The following XPNPEP1 variants were observed in gnomAD, a reference collection of about 807,000 sequenced individuals.
XPNPEP1 encodes X-prolyl aminopeptidase 1.
A neutral mutation model predicts 92.4 loss-of-function variants in XPNPEP1; 39 were observed. The ratio of observed to expected loss-of-function variants is 0.42; its 90% confidence interval spans 0.33 to 0.55. XPNPEP1 has a LOEUF of 0.55. Among genes scored for constraint, XPNPEP1 ranks in the 20% least tolerant of loss-of-function variants. The pLI, the probability that XPNPEP1 is intolerant of heterozygous loss-of-function variation, is 0.08. For synonymous variants in XPNPEP1, 307 were observed against 299.4 expected (o/e 1.03, Z -0.26); for missense variants, 654 against 856.1 (o/e 0.76, Z 2.95).
intron 3 of XPNPEP1, among the ~76,000 whole-genome samples, chr10:109,902,202 G>A (rs1356728401): frequency 1.3e-5 from 2 of 152,208 alleles, no homozygotes; most frequent in Non-Finnish European, 2.9e-5. Flanking sequence ...AACAATAGCG[G>A]CAGCTAATAT....
chr10:109,873,481 T>C, intron 15 of XPNPEP1, 54 bp from the exon 16 acceptor site: 1 of 1,609,562 alleles, frequency 6.2e-7, no homozygotes, highest in Non-Finnish European at 8.5e-7. Context: ...TTAAGTCAAA[T>C]ATGACACAGG....
chr10:109,884,598 A>G (rs1444116995), intron 8 of XPNPEP1: 1 of 153,898 alleles, frequency 6.5e-6, no homozygotes, highest in Admixed American at 6.5e-5. Flanking sequence ...GAAGCCAGGC[A>G]AGCCTCCTCT....
intron 9 of XPNPEP1, 95 bp from the exon 10 acceptor site, chr10:109,882,737 G>T: frequency 7.3e-7 from 1 of 1,377,680 alleles, no homozygotes; most frequent in South Asian, 1.3e-5. Flanking sequence ...TCTGTTTCCT[G>T]GCAACCAAAA....
chr10:109,876,030 C>T (rs977854092), intron 14 of XPNPEP1: 1 of 159,816 alleles, frequency 6.3e-6, no homozygotes, highest in African/African-American at 2.4e-5. Flanking sequence ...CTGCCTCAGC[C>T]TCCAGGCCCC....
intron 3 of XPNPEP1, among the ~76,000 whole-genome samples, chr10:109,895,783 A>G (rs1848955118): frequency 6.6e-6 from 1 of 152,214 alleles, no homozygotes; most frequent in Non-Finnish European, 1.5e-5. Context: ...CTCCATTTCT[A>G]ATAGCAGCAC....
chr10:109,868,087 C>A (rs1340049575), intron 20 of XPNPEP1, among the ~76,000 whole-genome samples: 1 of 152,186 alleles, frequency 6.6e-6, no homozygotes, highest in African/African-American at 2.4e-5. Context: ...GGTTTCACTG[C>A]CCCAGAGTGA....
chr10:109,875,771 T>C (rs1487730590), intron 14 of XPNPEP1, 172 bp from the exon 15 acceptor site: 25 of 545,772 alleles, frequency 4.6e-5, no homozygotes, highest in Non-Finnish European at 6.4e-5. Flanking sequence ...ATTAAACTTC[T>C]ACTTTTCAAA....
intron 7 of XPNPEP1, among the ~76,000 whole-genome samples, chr10:109,887,063 A>C (rs1353350377): frequency 6.6e-6 from 1 of 152,146 alleles, no homozygotes; most frequent in Non-Finnish European, 1.5e-5. Flanking sequence ...GGGAACAGCC[A>C]CCTGTGAGCA....
At chr10:109,911,005 T>A (rs1406898025) in intron 2 of XPNPEP1, among the ~76,000 whole-genome samples, 1 of 152,270 alleles carries the variant, frequency 6.6e-6, no homozygotes, top group East Asian at 1.9e-4. Flanking sequence ...TTCCTTTTCA[T>A]CATCACCAGC....
intron 11 of XPNPEP1, 75 bp from the exon 12 acceptor site, chr10:109,880,313 G>C: frequency 6.8e-7 from 1 of 1,472,044 alleles, no homozygotes. Context: ...TAGCCCTAAT[G>C]CAATACTGAG....
rs149560401 is a variant in XPNPEP1 at position 109,891,768 on chromosome 10, G to C, written c.369C>G (p.Leu123=). ...TGCTGTCCATTTGCTTGGCAGCCTG[G>C]AGAAAGTAGCGCCCGTCAGTCCACA... is the stretch of plus-strand genomic sequence containing the variant. ...AAMWTDGRYF[L]QAAKQMDSNW... Residue 123 remains leucine (L), a synonymous_variant, in exon 5 of 21, where the codon CTC becomes CTG. Coordinates refer to ENST00000502935, the MANE Select transcript of XPNPEP1 (RefSeq NM_020383.4). 1.4e-5 allele frequency: 23 copies of C among 1,598,694 alleles called. No homozygotes were observed. The highest frequency in any genetic ancestry group is 2.0e-5 in the Non-Finnish European group (23 of 1,175,584).
intron 2 of XPNPEP1, among the ~76,000 whole-genome samples, chr10:109,908,330 C>T (rs984716021): frequency 2.0e-5 from 3 of 152,214 alleles, no homozygotes; most frequent in Admixed American, 1.3e-4. Flanking sequence ...ACAGGCTGGG[C>T]GCAGTGGCTC....
At chr10:109,869,719 G>A (rs1306297673) in intron 19 of XPNPEP1, 8 of 435,532 alleles carry the variant, frequency 1.8e-5, no homozygotes, top group East Asian at 4.1e-5. Context: ...TTCTGGCTTT[G>A]CAGGGAAGGA....
chr10:109,898,134 A>G (rs1849083363), intron 3 of XPNPEP1, among the ~76,000 whole-genome samples: 1 of 152,206 alleles, frequency 6.6e-6, no homozygotes, highest in Non-Finnish European at 1.5e-5. Flanking sequence ...GACATCTCCT[A>G]CAACCAGCAG....
At chr10:109,921,614 G>C (rs531435872) in intron 1 of XPNPEP1, among the ~76,000 whole-genome samples, 1 of 152,302 alleles carries the variant, frequency 6.6e-6, no homozygotes, top group African/African-American at 2.4e-5. Context: ...ATGAGACAAG[G>C]GTAAACTGGA....
chr10:109,893,283 C>T, intron 3 of XPNPEP1: 1 of 466,408 alleles, frequency 2.1e-6, no homozygotes, highest in East Asian at 3.2e-5. Context: ...GAGAGCTGTT[C>T]CCTTTAGCCT....
At chr10:109,877,466 CAAAA>C in intron 14 of XPNPEP1, 1 of 221,630 alleles carries the variant, frequency 4.5e-6, no homozygotes, top group Non-Finnish European at 8.8e-6. Flanking sequence ...ACCTTGTCTC[CAAAA>C]AAAAAAAAAC....
chr10:109,914,946 G>A (rs1012626217), intron 2 of XPNPEP1, 65 bp downstream of exon 2: 2 of 1,001,710 alleles, frequency 2.0e-6, no homozygotes, highest in East Asian at 5.7e-5. Flanking sequence ...ACCCAACCTG[G>A]GGTTGGGGTG....
At chr10:109,870,618 G>C in intron 18 of XPNPEP1, 113 bp downstream of exon 18, 1 of 1,378,140 alleles carries the variant, frequency 7.3e-7, no homozygotes, top group South Asian at 1.5e-5. Flanking sequence ...AAGTTTGTTG[G>C]AAGGGAAAAG....
Sources: allele counts gnomAD v4.1 joint callset (sites outside exome capture counted in the v4.1 genomes callset), GRCh38; gene constraint gnomAD v4.1.1; transcripts MANE v1.5; gene names NCBI Gene and HGNC (gene_info 2026-07-23, HGNC 2026-07-21).